Variants in SNX24 observed in about 807,000 individuals in gnomAD.
SNX24 encodes sorting nexin 24, also known as sorting nexin-24.
A neutral mutation model predicts 28.7 loss-of-function variants in SNX24; 22 were observed. That is an observed-to-expected ratio of 0.77 (90% CI 0.55 to 1.10). The LOEUF is 1.10. Among genes scored for constraint, SNX24 ranks in the 50% least tolerant of loss-of-function variants. SNX24 has a pLI of 0.00. For missense variants in SNX24, 221 were observed against 201.1 expected (o/e 1.10, Z -0.60); for synonymous variants, 69 against 71.5 (o/e 0.96, Z 0.18).
At chr5:122,867,149 A>G (rs1755757035) in intron 1 of SNX24, among the ~76,000 whole-genome samples, 1 of 152,220 alleles carries the variant, frequency 6.6e-6, no homozygotes, top group South Asian at 2.1e-4. Context: ...TAGCACTGTA[A>G]CTGAGTCTTC....
chr5:122,914,737 G>A (rs1172871779), intron 1 of SNX24, among the ~76,000 whole-genome samples: 1 of 151,664 alleles, frequency 6.6e-6, no homozygotes, highest in Non-Finnish European at 1.5e-5. Context: ...GGGATCGGTG[G>A]TGATATCCCC....
chr5:122,935,134 CATAACCTCA>C (rs1759127774), intron 1 of SNX24, among the ~76,000 whole-genome samples: 1 of 152,174 alleles, frequency 6.6e-6, no homozygotes, highest in South Asian at 2.1e-4. Context: ...AGACCCAGAA[CATAACCTCA>C]TTTATTTCAT....
chr5:123,027,412 G>T (rs1762876036), intron 5 of SNX24, among the ~76,000 whole-genome samples: 1 of 152,214 alleles, frequency 6.6e-6, no homozygotes, highest in South Asian at 2.1e-4. Context: ...TAGCAGAAAA[G>T]AGGGCAGAGT....
In SNX24 at chr5:123,007,670, T is replaced by C. The variant is rs1762462541; in HGVS notation, c.443-12T>C. 1.3e-6 allele frequency: 2 copies of C among 1,572,564 alleles called. No homozygotes were observed. Among genetic ancestry groups the C allele is most frequent in the Non-Finnish European group, 8.6e-7 (1 of 1,164,982 alleles). ...TTTCTTTTTTTTTTCTTTTTTTTTT[T>C]CTTTTTTTCAGATTTTCCAAATGTG... is the stretch of plus-strand genomic sequence containing the variant. On this transcript the variant is annotated splice_polypyrimidine_tract_variant and intron_variant, in intron 6 of 6. Transcript: ENST00000261369.
At chr5:122,886,051 C>T (rs745578608) in intron 1 of SNX24, among the ~76,000 whole-genome samples, 3 of 152,138 alleles carry the variant, frequency 2.0e-5, no homozygotes, top group Non-Finnish European at 2.9e-5. Flanking sequence ...TTGAGGGCCC[C>T]TGTGCTAGAG....
chr5:122,950,515 C>T (rs2150128845), intron 3 of SNX24, among the ~76,000 whole-genome samples: 1 of 152,278 alleles, frequency 6.6e-6, no homozygotes, highest in Non-Finnish European at 1.5e-5. Context: ...TACAAAAGGG[C>T]TGCAACAGTT....
chr5:122,874,298 A>G (rs1756127295), intron 1 of SNX24, among the ~76,000 whole-genome samples: 1 of 152,216 alleles, frequency 6.6e-6, no homozygotes, highest in Non-Finnish European at 1.5e-5. Context: ...TGAAATGCCT[A>G]CCTCAGATTA....
chr5:123,010,216 T>A (rs562711560), downstream of SNX24, among the ~76,000 whole-genome samples: 8 of 151,836 alleles, frequency 5.3e-5, no homozygotes, highest in South Asian at 8.4e-4. Context: ...TTATTCTCCA[T>A]CCCAGGTGCA....
At chr5:122,850,072 T>A (rs1466552091) in intron 1 of SNX24, among the ~76,000 whole-genome samples, 1 of 152,176 alleles carries the variant, frequency 6.6e-6, no homozygotes, top group Non-Finnish European at 1.5e-5. Flanking sequence ...CATAGGAGAA[T>A]TTTAAGGAAG....
intron 3 of SNX24, among the ~76,000 whole-genome samples, chr5:122,986,110 T>G (rs1162777163): frequency 6.6e-6 from 1 of 152,208 alleles, no homozygotes; most frequent in Admixed American, 6.5e-5. Context: ...TGGATGTGGC[T>G]ATCATTGGCA....
intron 1 of SNX24, among the ~76,000 whole-genome samples, chr5:122,914,124 G>GGGGAGAGGGAGA (rs566906586): frequency 1.3e-5 from 2 of 152,080 alleles, no homozygotes; most frequent in Non-Finnish European, 2.9e-5. Context: ...GGGAGACCGT[G>GGGGAGAGGGAGA]GGGAGAGGGA....
intron 3 of SNX24, among the ~76,000 whole-genome samples, chr5:122,982,260 A>G (rs1761425298): frequency 6.6e-6 from 1 of 152,198 alleles, no homozygotes; most frequent in African/African-American, 2.4e-5. Context: ...CTGTTGTATC[A>G]TATTCCACTG....
chr5:122,881,422 A>G (rs1756476200), intron 1 of SNX24, among the ~76,000 whole-genome samples: 2 of 152,158 alleles, frequency 1.3e-5, no homozygotes, highest in African/African-American at 4.8e-5. Flanking sequence ...GATCAGCAGC[A>G]TTGGTGAGAG....
chr5:122,855,794 C>T (rs1387319914), intron 1 of SNX24, among the ~76,000 whole-genome samples: 1 of 152,054 alleles, frequency 6.6e-6, no homozygotes, highest in Non-Finnish European at 1.5e-5. Flanking sequence ...AACTTCTTAC[C>T]CATTAAAGTT....
At chr5:122,902,344 A>G (rs1757479893) in intron 1 of SNX24, among the ~76,000 whole-genome samples, 1 of 152,246 alleles carries the variant, frequency 6.6e-6, no homozygotes, top group African/African-American at 2.4e-5. Context: ...GAGGCTGAAG[A>G]AGAGATGCAG....
chr5:122,888,744 A>G (rs1484553779), intron 1 of SNX24, among the ~76,000 whole-genome samples: 2 of 152,164 alleles, frequency 1.3e-5, no homozygotes, highest in East Asian at 3.9e-4. Context: ...CCCTAACACT[A>G]TTCCCTAGAA....
chr5:123,016,171 T>G (rs985212208), intron 5 of SNX24, among the ~76,000 whole-genome samples: 2 of 152,172 alleles, frequency 1.3e-5, no homozygotes, highest in African/African-American at 4.8e-5. Context: ...CTTGAACAAT[T>G]GTAATTATAA....
At chr5:122,900,332 G>A (rs990641593) in intron 1 of SNX24, among the ~76,000 whole-genome samples, 2 of 152,190 alleles carry the variant, frequency 1.3e-5, no homozygotes, top group Admixed American at 1.3e-4. Flanking sequence ...GAGAGTGTGT[G>A]TAGCAGCAAT....
intron 3 of SNX24, among the ~76,000 whole-genome samples, chr5:122,948,307 A>G (rs377424274): frequency 2.6e-5 from 4 of 152,280 alleles, no homozygotes; most frequent in Non-Finnish European, 5.9e-5. Flanking sequence ...TACACCAGCT[A>G]GAATCCATTC....
Sources: allele counts gnomAD v4.1 joint callset (sites outside exome capture counted in the v4.1 genomes callset), GRCh38; gene constraint gnomAD v4.1.1; transcripts MANE v1.5; gene names NCBI Gene and HGNC (gene_info 2026-07-23, HGNC 2026-07-21).